CSMD1: variants seen among roughly 807,000 people sequenced by gnomAD.
The protein encoded by CSMD1 is CUB and Sushi multiple domains 1, also known as CUB and sushi domain-containing protein 1.
In CSMD1, 213 loss-of-function variants were observed where a neutral mutation model predicts 417.5. The observed-to-expected ratio is 0.51, with a 90% confidence interval of 0.46 to 0.57. CSMD1 has a LOEUF of 0.57. CSMD1 is among the 20% of genes least tolerant of loss of function. The pLI is 0.00. For synonymous variants in CSMD1, 2,862 were observed against 1,736.8 expected (o/e 1.65, Z -16.11); for missense variants, 6,923 against 4,529.7 (o/e 1.53, Z -15.17).
rs190736566 is a variant in CSMD1, at chr8:4,591,869, C to G, written c.302+45473G>C. Among the ~76,000 whole-genome samples, 849 of 152,140 alleles carry G rather than the reference C, an allele frequency of 5.6e-3. 8 individuals carry two copies. The highest frequency in any genetic ancestry group is 0.02 in the African/African-American group (818 of 41,504). On this transcript the variant is annotated intron_variant, in intron 2 of 69. Coordinates refer to ENST00000635120, the MANE Select transcript of CSMD1 (RefSeq NM_033225.6). Reference sequence around the variant, plus strand: ...AAGGCAGAGGGGAGAAAGTAATGACCAAGGGACCGGTGGGGAGGCTGAAAG... The same window carrying G: ...AAGGCAGAGGGGAGAAAGTAATGACGAAGGGACCGGTGGGGAGGCTGAAAG...
At chr8:3,123,939 G>A (rs1263502849) in intron 41 of CSMD1, among the ~76,000 whole-genome samples, 1 of 152,082 alleles carries the variant, frequency 6.6e-6, no homozygotes. Flanking sequence ...TTCTTTTTTG[G>A]GATAGGTAAA....
intron 1 of CSMD1, among the ~76,000 whole-genome samples, chr8:4,872,393 T>C (rs1239008198): frequency 6.6e-6 from 1 of 152,040 alleles, no homozygotes; most frequent in East Asian, 1.9e-4. Flanking sequence ...GTGGTTTCCC[T>C]GATGCTGCTC....
At chr8:4,681,786 T>C (rs1806068212) in intron 1 of CSMD1, among the ~76,000 whole-genome samples, 1 of 152,178 alleles carries the variant, frequency 6.6e-6, no homozygotes, top group Non-Finnish European at 1.5e-5. Flanking sequence ...ATTTACCCCA[T>C]GTTATCTAAA....
At chr8:3,067,265 T>A (rs1190766868) in intron 49 of CSMD1, among the ~76,000 whole-genome samples, 1 of 152,158 alleles carries the variant, frequency 6.6e-6, no homozygotes, top group African/African-American at 2.4e-5. Flanking sequence ...TTCCACCATT[T>A]CCACCATGTA....
intron 49 of CSMD1, among the ~76,000 whole-genome samples, chr8:3,057,135 T>G (rs573693010): frequency 6.6e-6 from 1 of 152,138 alleles, no homozygotes; most frequent in East Asian, 1.9e-4. Flanking sequence ...TGGTAAGAAA[T>G]GTTGAAAAGA....
rs1008585055 is a variant in CSMD1, at chr8:4,261,513, C to T, written c.415+158440G>A. Among the ~76,000 whole-genome samples, 2 of 152,098 alleles carry T rather than the reference C, an allele frequency of 1.3e-5. 1 individual carries two copies. On this transcript the variant is annotated intron_variant, in intron 3 of 69. Transcript: ENST00000635120. ...AGCATGGTTACTTTAGCTAGTAATA[C>T]TGTTATTATATACTTGAAATTTGCT...
intron 49 of CSMD1, among the ~76,000 whole-genome samples, chr8:3,065,549 T>C (rs746715450): frequency 1.3e-5 from 2 of 151,794 alleles, no homozygotes; most frequent in African/African-American, 2.4e-5. Context: ...GATAGTTATA[T>C]AGAAAGGAAA....
chr8:3,811,072 T>A lies in CSMD1; in HGVS notation c.819-57030A>T, dbSNP rs1004565900. Among the ~76,000 whole-genome samples the A allele has an allele frequency of 9.8e-5, 15 of 152,330 alleles. No homozygotes were observed. In the South Asian group the frequency reaches 1.7e-3, roughly 17 times the overall value. ...ATCTTGAATTCTAAAGAGCTGTTTT[T>A]CCTGAGATCGTGATAAAGGTAGTTC... On this transcript the variant is annotated intron_variant, in intron 5 of 69. Coordinates refer to ENST00000635120, the MANE Select transcript of CSMD1 (RefSeq NM_033225.6).
At chr8:3,235,684 A>T (rs942806635) in intron 26 of CSMD1, among the ~76,000 whole-genome samples, 1 of 152,188 alleles carries the variant, frequency 6.6e-6, no homozygotes, top group African/African-American at 2.4e-5. Flanking sequence ...ATATCAGTAG[A>T]AACAGTGCCT....
chr8:4,702,207 G>A (rs894024318), intron 1 of CSMD1, among the ~76,000 whole-genome samples: 6 of 152,036 alleles, frequency 3.9e-5, no homozygotes, highest in Non-Finnish European at 7.4e-5. Context: ...AACCACTATG[G>A]TACATGTTTA....
rs780452190 is a variant in CSMD1 at position 3,574,954 on chromosome 8, G to C, written c.1335C>G (p.Asp445Glu). ...AHCVWVITTT[D>E]PDKVIKLAFE... The stretch of plus-strand genomic sequence containing the variant: ...GGAGGCGGAGCCTTACCTTGTCCGG[G>C]TCGGTGGTGGTGATGACCCACACAC... Residue 445 changes from aspartate to glutamate, a missense_variant, in exon 10 of 70, where the codon GAC becomes GAG. Asp to Glu is a conservative substitution (Grantham distance 45). Transcript: ENST00000635120. The C allele has an allele frequency of 6.2e-7, 1 of 1,612,282 alleles. No homozygotes were observed. The highest frequency in any genetic ancestry group is 8.5e-7 in the Non-Finnish European group (1 of 1,179,670).
intron 3 of CSMD1, among the ~76,000 whole-genome samples, chr8:4,254,252 A>C (rs998748631): frequency 1.3e-5 from 2 of 152,052 alleles, no homozygotes; most frequent in South Asian, 2.1e-4. Context: ...CTCTTCACCA[A>C]ATAAAATCAG....
At chr8:4,065,122 G>GT (rs1333648256) in intron 3 of CSMD1, among the ~76,000 whole-genome samples, 1 of 152,102 alleles carries the variant, frequency 6.6e-6, no homozygotes, top group Non-Finnish European at 1.5e-5. Flanking sequence ...TCTAGTTTAT[G>GT]TTTTTAGAGT....
At chr8:4,463,443 C>T (rs1288893797) in intron 2 of CSMD1, among the ~76,000 whole-genome samples, 1 of 151,988 alleles carries the variant, frequency 6.6e-6, no homozygotes. Context: ...AATGTGTCCA[C>T]GTAAAAATTT....
chr8:3,646,600 A>T (rs1313653300), intron 7 of CSMD1, among the ~76,000 whole-genome samples: 1 of 152,226 alleles, frequency 6.6e-6, no homozygotes, highest in Non-Finnish European at 1.5e-5. Flanking sequence ...CCAAAGTAGC[A>T]GTCAGGGAAC....
chr8:4,444,474 A>G (rs189147351), intron 2 of CSMD1, among the ~76,000 whole-genome samples: 1 of 152,190 alleles, frequency 6.6e-6, no homozygotes, highest in East Asian at 1.9e-4. Flanking sequence ...GGAAGACATA[A>G]GCAGTCGCAT....
intron 6 of CSMD1, among the ~76,000 whole-genome samples, chr8:3,715,310 T>C (rs1275829794): frequency 4.6e-5 from 7 of 152,296 alleles, no homozygotes; most frequent in South Asian, 4.2e-4. Context: ...TAAACATCAG[T>C]AGGAGCTATG....
At chr8:4,740,625 A>G (rs902856896) in intron 1 of CSMD1, among the ~76,000 whole-genome samples, 1 of 152,236 alleles carries the variant, frequency 6.6e-6, no homozygotes, top group Admixed American at 6.5e-5. Flanking sequence ...TGTGGAAGAC[A>G]CATCTACGAG....
rs139078523 is a variant in CSMD1 at position 4,941,385 on chromosome 8, T to C, written c.85+52947A>G. Among the ~76,000 whole-genome samples, 557 of 152,306 alleles carry C rather than the reference T, an allele frequency of 3.7e-3. 6 individuals carry two copies. The highest frequency in any genetic ancestry group is 0.013 in the African/African-American group (528 of 41,564). On this transcript the variant is annotated intron_variant, in intron 1 of 69. Transcript: ENST00000635120. ...TATTCAAAATAAAAATATTATCTTT[T>C]GATGGTCTAAGATATTTGTGACATT...
Sources: gnomAD v4.1 joint callset for allele counts (sites outside exome capture counted in the v4.1 genomes callset) on GRCh38, gnomAD v4.1.1 for gene constraint, MANE v1.5 for transcripts, NCBI Gene and HGNC (gene_info 2026-07-23, HGNC 2026-07-21) for gene names.